The following KREMEN1 variants were observed in gnomAD, a reference collection of about 807,000 sequenced individuals.
The protein encoded by KREMEN1 is kringle containing transmembrane protein 1, also known as kremen protein 1.
KREMEN1 carries 30 observed loss-of-function variants against 46.5 expected under a neutral mutation model. The observed-to-expected ratio is 0.65, with a 90% CI of 0.48 to 0.88. The LOEUF (loss-of-function observed/expected upper bound fraction) is 0.88, where lower values mean the gene tolerates loss of function less well. KREMEN1 is among the 40% of genes least tolerant of loss of function. The pLI is 0.00. For missense variants in KREMEN1, 533 were observed against 596.9 expected (o/e 0.89, Z 1.11); for synonymous variants, 214 against 230.6 (o/e 0.93, Z 0.65).
intron 5 of KREMEN1, among the ~76,000 whole-genome samples, chr22:29,130,847 C>T (rs1318811702): frequency 6.6e-6 from 1 of 152,196 alleles, no homozygotes; most frequent in East Asian, 1.9e-4. Context: ...TTGTATATGT[C>T]GGGCTAATCT....
chr22:29,095,820 C>T (rs756557047), intron 2 of KREMEN1, among the ~76,000 whole-genome samples: 16 of 152,094 alleles, frequency 1.1e-4, no homozygotes, highest in Non-Finnish European at 2.2e-4. Flanking sequence ...ACCATTCCCT[C>T]CTAGTTGCTA....
At chr22:29,159,349 G>A (rs149125672) in intron 9 of KREMEN1, among the ~76,000 whole-genome samples, 6,368 of 152,114 alleles carry the variant, frequency 0.042, 208 homozygotes, top group Non-Finnish European at 0.069. Flanking sequence ...GGCCAGGAGC[G>A]GTGGCTGATG....
At chr22:29,094,719 G>T (rs1022474578) in intron 2 of KREMEN1, among the ~76,000 whole-genome samples, 1 of 151,354 alleles carries the variant, frequency 6.6e-6, no homozygotes. Flanking sequence ...CGCCTCCCGG[G>T]TTCACGCCAT....
chr22:29,152,146 G>A (rs972937684), intron 9 of KREMEN1, among the ~76,000 whole-genome samples: 2 of 152,184 alleles, frequency 1.3e-5, no homozygotes, highest in Non-Finnish European at 2.9e-5. Context: ...GAAGACCCAG[G>A]AGCAAGGGCA....
At chr22:29,099,046 C>A in intron 3 of KREMEN1, 93 bp downstream of exon 3, 1 of 905,814 alleles carries the variant, frequency 1.1e-6, no homozygotes, top group Non-Finnish European at 1.8e-6. Flanking sequence ...GGTAGTTAGG[C>A]TGGTGGATTT....
intron 1 of KREMEN1, among the ~76,000 whole-genome samples, chr22:29,085,283 C>T (rs2037711914): frequency 6.6e-6 from 1 of 152,068 alleles, no homozygotes; most frequent in Admixed American, 6.6e-5. Context: ...ATCTATCTCC[C>T]GACTCCCACA....
At chr22:29,122,586 A>G (rs1251081062) in intron 4 of KREMEN1, among the ~76,000 whole-genome samples, 1 of 152,204 alleles carries the variant, frequency 6.6e-6, no homozygotes, top group Non-Finnish European at 1.5e-5. Context: ...TGAATGGAGA[A>G]ATAAAGTACA....
At chr22:29,083,134 T>C (rs557121459) in intron 1 of KREMEN1, among the ~76,000 whole-genome samples, 86 of 152,322 alleles carry the variant, frequency 5.6e-4, no homozygotes, top group African/African-American at 1.9e-3. Context: ...ATGAAAACTT[T>C]ATAGTATGAA....
intron 9 of KREMEN1, among the ~76,000 whole-genome samples, chr22:29,157,463 G>A (rs1181162649): frequency 6.6e-6 from 1 of 152,182 alleles, no homozygotes; most frequent in African/African-American, 2.4e-5. Flanking sequence ...TCAGCCTCCC[G>A]AATAGCTGGG....
chr22:29,087,570 GT>G (rs134640), intron 1 of KREMEN1, among the ~76,000 whole-genome samples: 72,890 of 148,326 alleles, frequency 0.49, 18,283 homozygotes, highest in Middle Eastern at 0.61. Flanking sequence ...TACATGTCAA[GT>G]TTTTTTTTTT....
Position 29,144,970 on chromosome 22 carries a change from C to T in KREMEN1, c.*2858C>T, listed in dbSNP as rs1027143265. 6 of 985,426 alleles carry T rather than the reference C, an allele frequency of 6.1e-6. No individual in the cohort carries two copies. Among genetic ancestry groups the T allele is most frequent in the South Asian group, 4.7e-5 (1 of 21,296 alleles). The allele number at this position is 985,426 out of a possible 1,614,324, so 61.0% of individuals were successfully genotyped here. ...AGCGCCTCTAGGATCAACTTACGAT[C>T]CGTGGAGCAGCCCCGGGAAACCCAA... On this transcript the variant is annotated 3_prime_UTR_variant, in exon 9 of 9. Coordinates refer to ENST00000400335, the MANE Select transcript of KREMEN1 (RefSeq NM_001039570.3).
intron 1 of KREMEN1, among the ~76,000 whole-genome samples, chr22:29,075,492 G>A (rs1316207680): frequency 6.6e-6 from 1 of 152,188 alleles, no homozygotes; most frequent in Non-Finnish European, 1.5e-5. Flanking sequence ...AATAATCGTT[G>A]TGAAATAATT....
At chr22:29,095,100 A>T (rs999195278) in intron 2 of KREMEN1, among the ~76,000 whole-genome samples, 7 of 152,144 alleles carry the variant, frequency 4.6e-5, no homozygotes, top group Non-Finnish European at 8.8e-5. Context: ...GTCAGACAGC[A>T]CCATGTGTGA....
intron 1 of KREMEN1, among the ~76,000 whole-genome samples, chr22:29,089,306 G>C (rs77248984): frequency 0.017 from 2,055 of 118,786 alleles, 52 homozygotes; most frequent in African/African-American, 0.061. Flanking sequence ...ACAGTAAATG[G>C]TATCACTACT....
intron 5 of KREMEN1, among the ~76,000 whole-genome samples, chr22:29,126,633 C>T (rs1003777418): frequency 6.6e-6 from 1 of 152,134 alleles, no homozygotes; most frequent in African/African-American, 2.4e-5. Flanking sequence ...TGTTAGGACT[C>T]GAACTTATCT....
chr22:29,136,130 C>T (rs2038652461), intron 5 of KREMEN1, among the ~76,000 whole-genome samples: 1 of 151,816 alleles, frequency 6.6e-6, no homozygotes, highest in Non-Finnish European at 1.5e-5. Context: ...CCATATTGAT[C>T]AGGCTGGTCT....
At chr22:29,117,978 G>A (rs191617670) in intron 3 of KREMEN1, among the ~76,000 whole-genome samples, 13 of 152,224 alleles carry the variant, frequency 8.5e-5, no homozygotes, top group African/African-American at 9.6e-5. Context: ...GTATGACTTC[G>A]CAATATCCTG....
chr22:29,104,485 G>C (rs888641538), intron 3 of KREMEN1, among the ~76,000 whole-genome samples: 1 of 152,010 alleles, frequency 6.6e-6, no homozygotes, highest in African/African-American at 2.4e-5. Context: ...ATAGCCCACA[G>C]GTATCTGATG....
downstream of KREMEN1, among the ~76,000 whole-genome samples, chr22:29,150,951 G>T (rs987523523): frequency 4.6e-5 from 7 of 152,194 alleles, no homozygotes; most frequent in African/African-American, 1.7e-4. Context: ...AAAGCTGGGG[G>T]TCCTTACTCC....
Sources: gnomAD v4.1 joint callset for allele counts (sites outside exome capture counted in the v4.1 genomes callset) on GRCh38, gnomAD v4.1.1 for gene constraint, MANE v1.5 for transcripts, NCBI Gene and HGNC (gene_info 2026-07-23, HGNC 2026-07-21) for gene names.